The following GALNT16 variants were observed in gnomAD, a reference collection of about 807,000 sequenced individuals.
GALNT16 encodes the protein polypeptide N-acetylgalactosaminyltransferase 16.
GALNT16 carries 40 observed loss-of-function variants against 76.1 expected under a neutral mutation model. That is an observed-to-expected ratio of 0.53 (90% CI 0.41 to 0.68). GALNT16 has a LOEUF of 0.68. GALNT16 is among the 30% of genes least tolerant of loss of function. The pLI is 0.00. For missense variants in GALNT16, 621 were observed against 731.9 expected (o/e 0.85, Z 1.75); for synonymous variants, 276 against 285.2 (o/e 0.97, Z 0.32).
intron 1 of GALNT16, among the ~76,000 whole-genome samples, chr14:69,316,161 A>G (rs2045097922): frequency 6.6e-6 from 1 of 152,196 alleles, no homozygotes; most frequent in African/African-American, 2.4e-5. Context: ...CCAGAAGCCT[A>G]TGAGTGGGGA....
intron 1 of GALNT16, among the ~76,000 whole-genome samples, chr14:69,275,179 G>A (rs1176933626): frequency 6.6e-6 from 1 of 152,130 alleles, no homozygotes; most frequent in Non-Finnish European, 1.5e-5. Flanking sequence ...AGTTTGGAAG[G>A]TCTTAGGGAC....
chr14:69,333,071 G>A lies in GALNT16; in HGVS notation c.779-14G>A, dbSNP rs373313151. ...CTGCCCTGAGCTCTGTCCTCACCTT[G>A]CTGTGTCCCTTAGGGTTCGACTGGA... On this transcript the variant is annotated splice_polypyrimidine_tract_variant and intron_variant, in intron 7 of 14. Coordinates refer to ENST00000448469, the MANE Select transcript of GALNT16 (RefSeq NM_001168368.2). This position sits in a 1 kb window ranked among gnomAD's most constrained non-coding sequence, Gnocchi z 4.2. 7.5e-6 allele frequency: 12 copies of A among 1,598,742 alleles called. No individual in the cohort carries two copies. In the African/African-American group the frequency reaches 1.5e-4, roughly 20 times the overall value.
chr14:69,344,617 G>A lies in GALNT16; in HGVS notation c.1272-2423G>A, dbSNP rs191442166. 5.5e-4 allele frequency among the ~76,000 whole-genome samples: 84 copies of A among 152,310 alleles called. 1 individual carries two copies. The highest frequency in any genetic ancestry group is 5.0e-3 in the South Asian group (24 of 4,828). On this transcript the variant is annotated intron_variant, in intron 12 of 14. Coordinates refer to ENST00000448469, the MANE Select transcript of GALNT16 (RefSeq NM_001168368.2). ...GGACTGCTACCACGATGACAGCTTAGGAGCTGCATCTGATCTTGAGATTGC... is the reference window on the plus strand; with the variant it reads ...GGACTGCTACCACGATGACAGCTTAAGAGCTGCATCTGATCTTGAGATTGC...
the GALNT16 span, among the ~76,000 whole-genome samples, chr14:69,381,900 G>T: frequency 7.2e-5 from 11 of 152,242 alleles, no homozygotes; most frequent in Non-Finnish European, 1.2e-4. Flanking sequence ...ATGTTGGCCA[G>T]GTTGGTCTTG....
At chr14:69,342,479 AGGG>A (rs2045502407) in intron 12 of GALNT16, among the ~76,000 whole-genome samples, 1 of 10,226 alleles carries the variant, frequency 9.8e-5, no homozygotes, top group African/African-American at 3.3e-4. Flanking sequence ...GAAGGAAGGG[AGGG>A]AGGGAGGGAG....
rs1266552310 is a variant in GALNT16 at position 69,261,684 on chromosome 14, AC to A, written c.177+1221del. On this transcript the variant is annotated intron_variant, in intron 1 of 14. Coordinates refer to ENST00000448469, the MANE Select transcript of GALNT16 (RefSeq NM_001168368.2). This position sits in a 1 kb window ranked among gnomAD's most constrained non-coding sequence, Gnocchi z 6.4. Reference sequence around the variant, plus strand: ...GAAACGCATCCAGACGCGGATCTGAACCCCAGGAATATCGGGAAGTTCATTG... The same window carrying A: ...GAAACGCATCCAGACGCGGATCTGAACCCAGGAATATCGGGAAGTTCATTG... 6.6e-6 allele frequency among the ~76,000 whole-genome samples: 1 copy of A among 152,018 alleles called. No individual in the cohort carries two copies. Among genetic ancestry groups the A allele is most frequent in the African/African-American group, 2.4e-5 (1 of 41,376 alleles).
chr14:69,322,922 C>T (rs940566897), intron 2 of GALNT16, among the ~76,000 whole-genome samples: 5 of 115,794 alleles, frequency 4.3e-5, no homozygotes, highest in Non-Finnish European at 9.1e-5. Flanking sequence ...AGGTGGCTCA[C>T]GGGGTGTGTG....
At chr14:69,370,064 A>T in the GALNT16 span, among the ~76,000 whole-genome samples, 1 of 152,152 alleles carries the variant, frequency 6.6e-6, no homozygotes, top group Non-Finnish European at 1.5e-5. Flanking sequence ...CAGTCTAGGG[A>T]GGTGGTTAAG....
intron 9 of GALNT16, among the ~76,000 whole-genome samples, chr14:69,334,437 CAAGT>C (rs1439775796): frequency 6.6e-6 from 1 of 152,140 alleles, no homozygotes; most frequent in Non-Finnish European, 1.5e-5. Flanking sequence ...AACAGGGTTG[CAAGT>C]GAGATGGAGG....
At chr14:69,338,078 G>T (rs1347635605) in intron 9 of GALNT16, among the ~76,000 whole-genome samples, 1 of 152,208 alleles carries the variant, frequency 6.6e-6, no homozygotes, top group Non-Finnish European at 1.5e-5. Context: ...GGGGACCACA[G>T]TCATCCACAA....
intron 1 of GALNT16, among the ~76,000 whole-genome samples, chr14:69,272,999 T>C (rs1030780847): frequency 2.0e-5 from 3 of 152,212 alleles, no homozygotes; most frequent in East Asian, 1.9e-4. Context: ...CATGACTGTA[T>C]ACAAAGTGAA....
At chr14:69,334,597 C>T (rs2045394554) in intron 9 of GALNT16, among the ~76,000 whole-genome samples, 1 of 152,172 alleles carries the variant, frequency 6.6e-6, no homozygotes, top group Non-Finnish European at 1.5e-5. Context: ...AGGGCTGTGA[C>T]TTCTGGGAGC....
intron 1 of GALNT16, among the ~76,000 whole-genome samples, chr14:69,273,630 G>GCTTA (rs2044434014): frequency 6.6e-6 from 1 of 152,216 alleles, no homozygotes; most frequent in African/African-American, 2.4e-5. Flanking sequence ...CAGGGATGAG[G>GCTTA]CTTACACTGA....
chr14:69,382,036 G>A, the GALNT16 span, among the ~76,000 whole-genome samples: 11 of 152,270 alleles, frequency 7.2e-5, no homozygotes, highest in East Asian at 1.7e-3. Context: ...AGTGAAGCAA[G>A]TTATTAGCTA....
chr14:69,286,046 C>T (rs1257209141), intron 1 of GALNT16, among the ~76,000 whole-genome samples: 4 of 152,188 alleles, frequency 2.6e-5, no homozygotes, highest in Non-Finnish European at 5.9e-5. Context: ...TTAAAGATCA[C>T]TCTTTAACCA....
chr14:69,268,233 A>C (rs768507880), intron 1 of GALNT16, among the ~76,000 whole-genome samples: 1 of 152,250 alleles, frequency 6.6e-6, no homozygotes, highest in Non-Finnish European at 1.5e-5. Flanking sequence ...ACCCCTTTGC[A>C]GAGCATAAAT....
At chr14:69,314,895 T>G (rs140615125) in intron 1 of GALNT16, among the ~76,000 whole-genome samples, 262 of 152,250 alleles carry the variant, frequency 1.7e-3, no homozygotes, top group Middle Eastern at 6.8e-3. Flanking sequence ...TCATTGAAAT[T>G]TAGTGAAAGG....
chr14:69,385,375 T>C, the GALNT16 span, among the ~76,000 whole-genome samples: 983 of 152,284 alleles, frequency 6.5e-3, 11 homozygotes, highest in African/African-American at 0.022. Flanking sequence ...CTGTAACACC[T>C]GTTTCAAATG....
intron 1 of GALNT16, among the ~76,000 whole-genome samples, chr14:69,319,197 C>T (rs1327334097): frequency 2.6e-5 from 4 of 152,162 alleles, no homozygotes; most frequent in Non-Finnish European, 5.9e-5. Flanking sequence ...GGACAGGAGG[C>T]AACCCTAGAA....
Sources: gnomAD v4.1 joint callset for allele counts (sites outside exome capture counted in the v4.1 genomes callset) on GRCh38, gnomAD v4.1.1 for gene constraint, Gnocchi (gnomAD v3.1) non-coding constraint, MANE v1.5 for transcripts, NCBI Gene and HGNC (gene_info 2026-07-23, HGNC 2026-07-21) for gene names.